Variants in CELF4 observed in about 807,000 individuals in gnomAD.
CELF4 encodes CUG-BP- and ETR-3-like factor 4.
CELF4 carries 18 observed loss-of-function variants against 59.9 expected under a neutral mutation model. The observed-to-expected ratio is 0.30, with a 90% CI of 0.21 to 0.45. CELF4 has a LOEUF of 0.45. Ranked by LOEUF, CELF4 falls within the 20% of genes least tolerant of loss-of-function variation. The pLI is 1.00. For missense variants in CELF4, 456 were observed against 689.0 expected (o/e 0.66, Z 3.79); for synonymous variants, 261 against 267.1 (o/e 0.98, Z 0.22).
At chr18:37,302,324 C>A (rs1175289620) in intron 3 of CELF4, among the ~76,000 whole-genome samples, 1 of 152,162 alleles carries the variant, frequency 6.6e-6, no homozygotes, top group Non-Finnish European at 1.5e-5. Context: ...TCTGTATCCA[C>A]ACAACTTGAG....
intron 1 of CELF4, among the ~76,000 whole-genome samples, chr18:37,556,168 C>T (rs1465344152): frequency 1.3e-5 from 2 of 152,150 alleles, no homozygotes; most frequent in African/African-American, 4.8e-5. Flanking sequence ...AGGTTGATGC[C>T]TCATTCTCTC....
At chr18:37,558,423 T>G (rs1272683117) in intron 1 of CELF4, among the ~76,000 whole-genome samples, 1 of 151,230 alleles carries the variant, frequency 6.6e-6, no homozygotes, top group Admixed American at 6.6e-5. Context: ...TACCTTTAAC[T>G]TCTCTTATGT....
chr18:37,558,845 AG>A (rs1195762296), intron 1 of CELF4, among the ~76,000 whole-genome samples: 1 of 150,958 alleles, frequency 6.6e-6, no homozygotes, highest in African/African-American at 2.4e-5. Flanking sequence ...ACACTATAAA[AG>A]GAAAGTCGCC....
At chr18:37,512,531 C>T (rs1431677865) in intron 1 of CELF4, among the ~76,000 whole-genome samples, 1 of 151,502 alleles carries the variant, frequency 6.6e-6, no homozygotes, top group Non-Finnish European at 1.5e-5. Flanking sequence ...TCCTTTTCTT[C>T]CTACTCCATC....
chr18:37,336,588 A>C (rs1013446745), intron 2 of CELF4, among the ~76,000 whole-genome samples: 2 of 152,142 alleles, frequency 1.3e-5, no homozygotes, highest in African/African-American at 4.8e-5. Context: ...GCTATGAGGG[A>C]GTGGCTGGGG....
intron 2 of CELF4, among the ~76,000 whole-genome samples, chr18:37,338,787 T>TGTGTGTGA (rs1204597875): frequency 5.3e-5 from 8 of 151,816 alleles, no homozygotes; most frequent in Non-Finnish European, 1.0e-4. Context: ...TGTGTGTGTG[T>TGTGTGTGA]GTGTGTGGTG....
At chr18:37,408,288 C>T (rs2099403849) in intron 2 of CELF4, among the ~76,000 whole-genome samples, 1 of 152,076 alleles carries the variant, frequency 6.6e-6, no homozygotes, top group African/African-American at 2.4e-5. Flanking sequence ...GCAAGGTACC[C>T]ATCCTTCAGG....
chr18:37,559,925 G>C (rs1453829267), intron 1 of CELF4, among the ~76,000 whole-genome samples: 1 of 152,208 alleles, frequency 6.6e-6, no homozygotes, highest in Non-Finnish European at 1.5e-5. Context: ...TGAGTGTGTA[G>C]GGGGCATAGT....
chr18:37,414,122 G>A lies in CELF4; in HGVS notation c.369+71403C>T, dbSNP rs551168481. 2.6e-5 allele frequency among the ~76,000 whole-genome samples: 4 copies of A among 152,144 alleles called. No individual in the cohort carries two copies. In the East Asian group the frequency reaches 5.8e-4, roughly 22 times the overall value. On this transcript the variant is annotated intron_variant, in intron 2 of 12. Coordinates refer to ENST00000420428, the MANE Select transcript of CELF4 (RefSeq NM_020180.4). ...AACCATGAAGGCAGGGCAGGGATTC[G>A]GCAAACACTTGCTCATTGACTGAAA...
At chr18:37,257,892 G>A (rs1160190204) in intron 11 of CELF4, among the ~76,000 whole-genome samples, 1 of 152,100 alleles carries the variant, frequency 6.6e-6, no homozygotes, top group Non-Finnish European at 1.5e-5. Flanking sequence ...GAGGTCGGAG[G>A]GCAACAAGGA....
intron 2 of CELF4, among the ~76,000 whole-genome samples, chr18:37,367,573 G>A (rs1413245982): frequency 2.6e-5 from 4 of 152,114 alleles, no homozygotes; most frequent in African/African-American, 9.7e-5. Context: ...GAGATCTGGT[G>A]TTGGGTGCCC....
chr18:37,274,226 T>C (rs1174521825), intron 6 of CELF4, 85 bp downstream of exon 6: 19 of 1,578,432 alleles, frequency 1.2e-5, no homozygotes, highest in Non-Finnish European at 1.5e-5. Flanking sequence ...AGGGATAGAG[T>C]AGTATTTTCG....
chr18:37,495,906 G>C lies in CELF4; in HGVS notation c.287-10299C>G, dbSNP rs551166664. 2.5e-4 allele frequency among the ~76,000 whole-genome samples: 38 copies of C among 152,202 alleles called. No homozygotes were observed. The South Asian group carries it at 7.1e-3, about 28-fold the overall frequency. Reference sequence around the variant, plus strand: ...GGCTTCTCTGACTCTTATCTCCCATGAAAGGAGAATAGATCATAACAGCAA... The same window carrying C: ...GGCTTCTCTGACTCTTATCTCCCATCAAAGGAGAATAGATCATAACAGCAA... On this transcript the variant is annotated intron_variant, in intron 1 of 12. Coordinates refer to ENST00000420428, the MANE Select transcript of CELF4 (RefSeq NM_020180.4).
chr18:37,349,439 G>A (rs1187461381), intron 2 of CELF4, among the ~76,000 whole-genome samples: 1 of 152,252 alleles, frequency 6.6e-6, no homozygotes, highest in Non-Finnish European at 1.5e-5. Context: ...GTTTAGGGAG[G>A]AAGGAGGGAA....
intron 1 of CELF4, among the ~76,000 whole-genome samples, chr18:37,505,100 AG>A (rs1184366286): frequency 6.6e-6 from 1 of 151,086 alleles, no homozygotes; most frequent in Non-Finnish European, 1.5e-5. Context: ...AAGCAGGGGC[AG>A]GGGGCAACTG....
At chr18:37,450,663 C>T (rs1038168450) in intron 2 of CELF4, among the ~76,000 whole-genome samples, 5 of 152,188 alleles carry the variant, frequency 3.3e-5, no homozygotes, top group East Asian at 3.9e-4. Context: ...CTGGGGCCTC[C>T]GGGCAGCACA....
At chr18:37,536,131 G>T (rs902041515) in intron 1 of CELF4, among the ~76,000 whole-genome samples, 3 of 151,656 alleles carry the variant, frequency 2.0e-5, no homozygotes, top group African/African-American at 7.3e-5. Flanking sequence ...ACATTTTTTT[G>T]TTGTTGTTGG....
At chr18:37,368,977 C>G (rs1023523380) in intron 2 of CELF4, among the ~76,000 whole-genome samples, 11 of 152,318 alleles carry the variant, frequency 7.2e-5, no homozygotes, top group African/African-American at 2.6e-4. Context: ...TGCAAACCTC[C>G]GGGGGATCGG....
chr18:37,328,039 G>A (rs1444109031), intron 2 of CELF4, among the ~76,000 whole-genome samples: 3 of 152,340 alleles, frequency 2.0e-5, no homozygotes, highest in East Asian at 1.9e-4. Flanking sequence ...GAAAGAGAGA[G>A]GGAGGGAGAG....
Sources: allele counts gnomAD v4.1 joint callset (sites outside exome capture counted in the v4.1 genomes callset), GRCh38; gene constraint gnomAD v4.1.1; transcripts MANE v1.5; gene names NCBI Gene and HGNC (gene_info 2026-07-23, HGNC 2026-07-21).